Variants in FMN2 observed in about 807,000 individuals in gnomAD.
FMN2 encodes formin-2.
FMN2 carries 51 observed loss-of-function variants against 142.3 expected under a neutral mutation model. The observed-to-expected ratio is 0.36, with a 90% CI of 0.29 to 0.45. The LOEUF is 0.45. Among genes scored for constraint, FMN2 ranks in the 20% least tolerant of loss-of-function variants. The pLI, the probability that FMN2 is intolerant of heterozygous loss-of-function variation, is 1.00. For missense variants in FMN2, 1,936 were observed against 2,122.8 expected (o/e 0.91, Z 1.73); for synonymous variants, 882 against 869.8 (o/e 1.01, Z -0.25).
chr1:240,144,414 A>G lies in FMN2; in HGVS notation c.1782+21069A>G, dbSNP rs868680861. On this transcript the variant is annotated intron_variant, in intron 2 of 17. Transcript: ENST00000319653. ...AAGTTGCTGTTGAGCTGTACATTGG[A>G]CATGATCTCTGTCAGGTGCTCATAC... 105 of 1,605,066 alleles carry G rather than the reference A, an allele frequency of 6.5e-5. 1 individual carries two copies. The Middle Eastern group carries it at 3.7e-3, about 56-fold the overall frequency.
intron 16 of FMN2, among the ~76,000 whole-genome samples, chr1:240,445,069 T>C (rs373419912): frequency 5.9e-5 from 9 of 152,370 alleles, no homozygotes; most frequent in African/African-American, 2.2e-4. Flanking sequence ...GCCAACTTTC[T>C]GTAACCAAAG....
chr1:240,418,980 C>T (rs768018645), intron 15 of FMN2, among the ~76,000 whole-genome samples: 2 of 152,148 alleles, frequency 1.3e-5, no homozygotes, highest in South Asian at 2.1e-4. Flanking sequence ...TGGTGGTGGG[C>T]GCCTGTAATC....
At chr1:240,143,600 C>A in intron 2 of FMN2, 1 of 1,608,016 alleles carries the variant, frequency 6.2e-7, no homozygotes, top group South Asian at 1.1e-5. Context: ...CACACATCTA[C>A]CAGTGTGTTG....
At chr1:240,154,897 T>G (rs1663957358) in intron 2 of FMN2, 1 of 117,556 alleles carries the variant, frequency 8.5e-6, no homozygotes, top group Non-Finnish European at 1.7e-5. Flanking sequence ...CCTCCCCTCC[T>G]TTTCTTTTCA....
At chr1:240,353,163 A>G (rs1672152694) in intron 13 of FMN2, among the ~76,000 whole-genome samples, 2 of 152,200 alleles carry the variant, frequency 1.3e-5, no homozygotes, top group South Asian at 4.1e-4. Flanking sequence ...ATTTTATCTT[A>G]CACTTCCTTA....
chr1:240,359,869 T>C (rs904493050), intron 14 of FMN2, among the ~76,000 whole-genome samples: 1 of 152,232 alleles, frequency 6.6e-6, no homozygotes, highest in Non-Finnish European at 1.5e-5. Context: ...CCATCAATAG[T>C]ATAAGCTTCA....
intron 2 of FMN2, among the ~76,000 whole-genome samples, chr1:240,136,731 T>C (rs768404899): frequency 1.4e-4 from 22 of 152,210 alleles, no homozygotes; most frequent in Non-Finnish European, 2.5e-4. Flanking sequence ...GTGACTTGTA[T>C]TTCTTCTGAC....
chr1:240,171,114 A>G, intron 2 of FMN2: 1 of 1,436,146 alleles, frequency 7.0e-7, no homozygotes, highest in Non-Finnish European at 9.8e-7. Context: ...GCACATGGAA[A>G]GGCACTGCCT....
chr1:240,100,180 T>C lies in FMN2; in HGVS notation c.1615+6456T>C, dbSNP rs142253681. 3.2e-3 allele frequency among the ~76,000 whole-genome samples: 493 copies of C among 152,356 alleles called. 1 individual carries two copies. Among genetic ancestry groups the C allele is most frequent in the Non-Finnish European group, 5.3e-3 (359 of 68,038 alleles). ...AATCAATGATACTTTATAGAACTTA[T>C]GTTGATAGAAGAATAGCTATTCTTG... On this transcript the variant is annotated intron_variant, in intron 1 of 17. Transcript: ENST00000319653.
chr1:240,127,762 A>G (rs1662572415), intron 2 of FMN2, among the ~76,000 whole-genome samples: 1 of 152,032 alleles, frequency 6.6e-6, no homozygotes, highest in Admixed American at 6.6e-5. Context: ...TTATAGACAT[A>G]AGCCACCATG....
At chr1:240,246,043 G>A (rs1482016198) in intron 6 of FMN2, among the ~76,000 whole-genome samples, 3 of 152,166 alleles carry the variant, frequency 2.0e-5, no homozygotes, top group African/African-American at 7.2e-5. Flanking sequence ...AGCCGGGCAT[G>A]GTGGCGGATG....
chr1:240,146,570 G>C (rs1221941136), intron 2 of FMN2, among the ~76,000 whole-genome samples: 1 of 151,778 alleles, frequency 6.6e-6, no homozygotes, highest in Non-Finnish European at 1.5e-5. Flanking sequence ...CGGGCGTGGT[G>C]GCATGCAACT....
chr1:240,139,626 G>T (rs997006034), intron 2 of FMN2, among the ~76,000 whole-genome samples: 5 of 152,228 alleles, frequency 3.3e-5, no homozygotes, highest in Non-Finnish European at 5.9e-5. Context: ...ATTCAGTGTT[G>T]CCAAGAAATC....
chr1:240,270,977 A>G (rs1035433889), intron 7 of FMN2, among the ~76,000 whole-genome samples: 2 of 152,020 alleles, frequency 1.3e-5, no homozygotes, highest in African/African-American at 4.8e-5. Flanking sequence ...CAAAATAGCT[A>G]AACAAGAGGG....
chr1:240,456,685 A>G (rs903305777), intron 16 of FMN2, among the ~76,000 whole-genome samples: 1 of 152,178 alleles, frequency 6.6e-6, no homozygotes, highest in Middle Eastern at 3.4e-3. Context: ...CGAACTCCCG[A>G]CCTCAGGTGA....
chr1:240,132,757 G>C (rs1043741469), intron 2 of FMN2, among the ~76,000 whole-genome samples: 1 of 152,152 alleles, frequency 6.6e-6, no homozygotes, highest in African/African-American at 2.4e-5. Flanking sequence ...ATACTCTCTA[G>C]ATGATCATGG....
intron 13 of FMN2, among the ~76,000 whole-genome samples, chr1:240,341,927 A>C (rs1310925019): frequency 6.6e-6 from 1 of 152,194 alleles, no homozygotes; most frequent in Non-Finnish European, 1.5e-5. Flanking sequence ...CCTAGGAAGC[A>C]GTGAATTGTA....
intron 15 of FMN2, among the ~76,000 whole-genome samples, chr1:240,430,390 C>T (rs1675121534): frequency 6.6e-6 from 1 of 152,116 alleles, no homozygotes; most frequent in Admixed American, 6.6e-5. Context: ...AATTGTTCTA[C>T]ATTCTCCCCA....
intron 1 of FMN2, among the ~76,000 whole-genome samples, chr1:240,122,075 A>ATTTATTTATTT (rs1553327489): frequency 1.4e-5 from 2 of 146,572 alleles, no homozygotes; most frequent in African/African-American, 5.0e-5. Flanking sequence ...TTAATTAATT[A>ATTTATTTATTT]ATTTATTTAT....
Sources: allele counts gnomAD v4.1 joint callset (sites outside exome capture counted in the v4.1 genomes callset), GRCh38; gene constraint gnomAD v4.1.1; transcripts MANE v1.5; gene names NCBI Gene and HGNC (gene_info 2026-07-23, HGNC 2026-07-21).